Variants in KDM6A observed in about 807,000 individuals in gnomAD.
KDM6A encodes lysine demethylase 6A.
Under a neutral mutation model 117.6 loss-of-function variants are expected in KDM6A, and 11 were observed. That is an observed-to-expected ratio of 0.09 (90% CI 0.06 to 0.15). The LOEUF is 0.15. Among genes scored for constraint, KDM6A ranks in the 10% least tolerant of loss-of-function variants. The probability of loss-of-function intolerance (pLI) is 1.00; values close to 1 mark genes in which losing one functional copy is unlikely to be tolerated. For missense variants in KDM6A, 799 were observed against 1,077.3 expected (o/e 0.74, Z 3.62); for synonymous variants, 384 against 396.1 (o/e 0.97, Z 0.36).
chrX:44,891,729 C>T (rs920123506), intron 2 of KDM6A, among the ~76,000 whole-genome samples: 1 of 112,031 alleles, frequency 8.9e-6, no homozygotes, highest in Non-Finnish European at 1.9e-5. Flanking sequence ...CGCGTCCACC[C>T]TACTGCCGTG....
At position 45,035,015 on chromosome X, in the gene KDM6A, A is replaced by G. The variant is rs147539115; in HGVS notation, c.619+30A>G. 5.5e-4 allele frequency: 563 copies of G among 1,030,989 alleles called. 5 individuals carry two copies. The East Asian group carries it at 0.017, about 31-fold the overall frequency. 85.0% of individuals were successfully genotyped at this position (1,030,989 alleles called of 1,213,427 possible). A position where few individuals can be genotyped will look rare whatever the true frequency, so the allele number is the denominator to read the frequency against. ...GTATTATTAAGTACTGTAGTTTTCT[A>G]CATGTATTCCGATCACTTCATGGCA... On this transcript the variant is annotated intron_variant, in intron 7 of 29. Coordinates refer to ENST00000611820, the MANE Select transcript of KDM6A (RefSeq NM_001291415.2).
chrX:44,986,388 G>C (rs2040227575), intron 4 of KDM6A, among the ~76,000 whole-genome samples: 1 of 111,052 alleles, frequency 9.0e-6, no homozygotes. Context: ...TTTTTTGAAG[G>C]GTTTTTGGTG....
chrX:44,998,654 A>G (rs1326963078), intron 4 of KDM6A, among the ~76,000 whole-genome samples: 1 of 110,976 alleles, frequency 9.0e-6, no homozygotes, highest in African/African-American at 3.3e-5. Flanking sequence ...TTAATAGCAG[A>G]TTTTTTTCCC....
intron 2 of KDM6A, among the ~76,000 whole-genome samples, chrX:44,886,937 CTTTT>C (rs757868291): frequency 2.1e-5 from 2 of 97,055 alleles, no homozygotes. Context: ...AGATGAATAT[CTTTT>C]TTTTTTTTTT....
Position 45,061,483 on chromosome X carries a change from ATTTTTTTTTTT to A in KDM6A, c.1581+80_1581+90del, listed in dbSNP as rs1161774144. ...GAGTAGAGGTAGCAAACAAGTATTA[ATTTTTTTTTTT>A]TTTTTTTTTTTTTTTGAGATAGAGT... On this transcript the variant is annotated intron_variant, in intron 15 of 29. Transcript: ENST00000611820. 13 of 234,699 alleles carry A rather than the reference ATTTTTTTTTTT, an allele frequency of 5.5e-5. No individual in the cohort carries two copies. In the Admixed American group the frequency reaches 6.3e-4, roughly 11 times the overall value. The allele number at this position is 234,699 out of a possible 1,213,427, so 19.3% of individuals were successfully genotyped here. A position where few individuals can be genotyped will look rare whatever the true frequency, so the allele number is the denominator to read the frequency against.
At chrX:45,014,404 T>TA (rs770043425) in intron 5 of KDM6A, among the ~76,000 whole-genome samples, 4 of 111,861 alleles carry the variant, frequency 3.6e-5, no homozygotes, top group Admixed American at 9.5e-5. Flanking sequence ...TCATTGGACT[T>TA]ACGGTAACAG....
intron 28 of KDM6A, among the ~76,000 whole-genome samples, chrX:45,108,230 G>A (rs2046606651): frequency 9.0e-6 from 1 of 111,251 alleles, no homozygotes; most frequent in Non-Finnish European, 1.9e-5. Context: ...AGACTGTCAT[G>A]GGCTATAGGC....
At chrX:45,103,403 TTC>T (rs2046403308) in intron 27 of KDM6A, among the ~76,000 whole-genome samples, 1 of 111,076 alleles carries the variant, frequency 9.0e-6, no homozygotes, top group Non-Finnish European at 1.9e-5. Context: ...AAATTTCAAC[TTC>T]TGTTTGAAAA....
rs193090876 is a variant in KDM6A at position 44,988,906 on chromosome X, C to G, written c.384+14191C>G. On this transcript the variant is annotated intron_variant, in intron 4 of 29. Coordinates refer to ENST00000611820, the MANE Select transcript of KDM6A (RefSeq NM_001291415.2). The stretch of plus-strand genomic sequence containing the variant: ...GTCCGTTCTCAGATCTCCAACTGCA[C>G]TGGGAGAACCACTGCTGTCTTCAAA... Among the ~76,000 whole-genome samples the G allele has an allele frequency of 5.0e-3, 553 of 110,494 alleles. 3 individuals are homozygous for G. The highest frequency in any genetic ancestry group is 0.017 in the African/African-American group (522 of 30,356).
At chrX:44,956,956 C>G (rs749206646) in intron 2 of KDM6A, among the ~76,000 whole-genome samples, 2 of 109,889 alleles carry the variant, frequency 1.8e-5, no homozygotes, top group South Asian at 7.8e-4. Context: ...ATGGTGAAAC[C>G]CAGTCTCTAC....
At chrX:44,974,842 G>C in intron 4 of KDM6A, 127 bp downstream of exon 4, 1 of 535,943 alleles carries the variant, frequency 1.9e-6, no homozygotes, top group Non-Finnish European at 3.3e-6. Context: ...CTAGGGGAAA[G>C]GTATTGGAAA....
At chrX:44,905,393 C>A (rs962476626) in intron 2 of KDM6A, among the ~76,000 whole-genome samples, 1 of 112,274 alleles carries the variant, frequency 8.9e-6, no homozygotes, top group Non-Finnish European at 1.9e-5. Flanking sequence ...AGTACAGTAA[C>A]ATGCTGTGCC....
chrX:44,987,044 C>G (rs1351794823), intron 4 of KDM6A, among the ~76,000 whole-genome samples: 5 of 111,362 alleles, frequency 4.5e-5, no homozygotes, highest in Non-Finnish European at 9.4e-5. Context: ...GTGTGGGAGT[C>G]TAAGTCTCTT....
rs189382654 is a variant in KDM6A, at chrX:44,927,247, C to T, written c.226-34037C>T. Reference sequence around the variant, plus strand: ...TTTACAAAAAGGGAGCCCTTATCTCCCTTCAGTAGAGACGCAACCTTCCTT... The same window carrying T: ...TTTACAAAAAGGGAGCCCTTATCTCTCTTCAGTAGAGACGCAACCTTCCTT... On this transcript the variant is annotated intron_variant, in intron 2 of 29. Transcript: ENST00000611820. Among the ~76,000 whole-genome samples, 3 of 111,038 alleles carry T rather than the reference C, an allele frequency of 2.7e-5. No homozygotes were observed. In the East Asian group the frequency reaches 8.5e-4, roughly 32 times the overall value.
At chrX:45,007,696 G>T (rs2041568316) in intron 4 of KDM6A, among the ~76,000 whole-genome samples, 2 of 111,998 alleles carry the variant, frequency 1.8e-5, no homozygotes, top group African/African-American at 6.5e-5. Flanking sequence ...GATCACTCCT[G>T]CCTTTATGGC....
chrX:45,022,867 AT>A (rs761244282), intron 6 of KDM6A, among the ~76,000 whole-genome samples: 1 of 111,828 alleles, frequency 8.9e-6, no homozygotes, highest in Non-Finnish European at 1.9e-5. Flanking sequence ...GATTCAGCTG[AT>A]CTAAGGTTTC....
chrX:44,887,227 T>C (rs1315867089), intron 2 of KDM6A, among the ~76,000 whole-genome samples: 1 of 111,222 alleles, frequency 9.0e-6, no homozygotes, highest in African/African-American at 3.3e-5. Flanking sequence ...GCCCAGAATA[T>C]GTTTATTTTT....
chrX:45,002,549 A>G (rs1340562591), intron 4 of KDM6A, among the ~76,000 whole-genome samples: 2 of 112,363 alleles, frequency 1.8e-5, no homozygotes, highest in Non-Finnish European at 3.8e-5. Flanking sequence ...GTAGGTAAAA[A>G]TGCACATTCT....
chrX:45,027,338 C>A (rs1275921153), intron 6 of KDM6A, among the ~76,000 whole-genome samples: 1 of 88,531 alleles, frequency 1.1e-5, no homozygotes, highest in Non-Finnish European at 2.1e-5. Flanking sequence ...TAGTGTGAAA[C>A]ACACACACAC....
Sources: allele counts gnomAD v4.1 joint callset (sites outside exome capture counted in the v4.1 genomes callset), GRCh38; gene constraint gnomAD v4.1.1; transcripts MANE v1.5; gene names NCBI Gene and HGNC (gene_info 2026-07-23, HGNC 2026-07-21).